Variants in RBFOX1 observed in about 807,000 individuals in gnomAD.
RBFOX1 encodes RNA binding protein fox-1 homolog 1.
A neutral mutation model predicts 57.7 loss-of-function variants in RBFOX1; 8 were observed. The ratio of observed to expected loss-of-function variants is 0.14; its 90% CI spans 0.08 to 0.25. The LOEUF (loss-of-function observed/expected upper bound fraction) is 0.25. Ranked by LOEUF, RBFOX1 falls within the 10% of genes least tolerant of loss-of-function variation. RBFOX1 has a pLI of 1.00. For missense variants in RBFOX1, 611 were observed against 548.5 expected, an observed-to-expected ratio of 1.11 and a Z score of -1.14; for synonymous variants, 326 against 222.4, an observed-to-expected ratio of 1.47 and a Z score of -4.15.
At chr16:7,507,897 C>T (rs751517029) in intron 4 of RBFOX1, among the ~76,000 whole-genome samples, 6 of 151,536 alleles carry the variant, frequency 4.0e-5, no homozygotes, top group Non-Finnish European at 7.4e-5. Context: ...ACATAAGGAG[C>T]TCATGCTCCA....
chr16:5,333,562 G>A (rs1414913334), intron 1 of RBFOX1, among the ~76,000 whole-genome samples: 1 of 152,208 alleles, frequency 6.6e-6, no homozygotes, highest in Non-Finnish European at 1.5e-5. Context: ...AGACGTAGAA[G>A]TTCTACAGGG....
At chr16:7,255,842 C>T (rs139607627) in intron 4 of RBFOX1, among the ~76,000 whole-genome samples, 1 of 152,100 alleles carries the variant, frequency 6.6e-6, no homozygotes, top group Non-Finnish European at 1.5e-5. Context: ...GACAGCACGT[C>T]TCATTTCAGA....
chr16:6,644,078 A>G (rs1446943521), intron 2 of RBFOX1, among the ~76,000 whole-genome samples: 2 of 152,164 alleles, frequency 1.3e-5, no homozygotes, highest in East Asian at 1.9e-4. Flanking sequence ...GTGAGCCAAG[A>G]TCACCCTACT....
At chr16:5,740,174 G>A (rs537401385) in intron 3 of RBFOX1, among the ~76,000 whole-genome samples, 1 of 152,326 alleles carries the variant, frequency 6.6e-6, no homozygotes, top group South Asian at 2.1e-4. Context: ...GAGGCTGACT[G>A]TCATGTCTTT....
At chr16:7,579,571 C>T (rs2093594183) in intron 5 of RBFOX1, among the ~76,000 whole-genome samples, 1 of 152,176 alleles carries the variant, frequency 6.6e-6, no homozygotes. Context: ...TTTCCCACTG[C>T]CTAATCCCAG....
intron 4 of RBFOX1, among the ~76,000 whole-genome samples, chr16:7,400,373 C>G (rs1233413433): frequency 3.3e-5 from 5 of 152,176 alleles, no homozygotes; most frequent in Admixed American, 6.5e-5. Context: ...AAACTGCAAC[C>G]TCAGCACAGG....
chr16:7,474,195 C>T (rs1453471311), intron 4 of RBFOX1, among the ~76,000 whole-genome samples: 5 of 152,128 alleles, frequency 3.3e-5, no homozygotes, highest in Non-Finnish European at 4.4e-5. Flanking sequence ...GCTGAGGCAG[C>T]AGAGTCGCTT....
Position 7,014,078 on chromosome 16 carries a change from C to T in RBFOX1, c.-15-37979C>T, listed in dbSNP as rs184448283. ...TCACTCAGTATATTAAAAATAAATACACAATGTCATTGGAATGGCCGATTT... is the reference window on the plus strand; with the variant it reads ...TCACTCAGTATATTAAAAATAAATATACAATGTCATTGGAATGGCCGATTT... On this transcript the variant is annotated intron_variant, in intron 3 of 15. Coordinates refer to ENST00000550418, the MANE Select transcript of RBFOX1 (RefSeq NM_018723.4). Among the ~76,000 whole-genome samples the T allele has an allele frequency of 2.3e-3, 343 of 152,312 alleles. 3 individuals are homozygous for T. Among genetic ancestry groups the T allele is most frequent in the African/African-American group, 7.9e-3 (330 of 41,574 alleles).
intron 2 of RBFOX1, among the ~76,000 whole-genome samples, chr16:5,529,683 C>T (rs1029391190): frequency 6.6e-6 from 1 of 151,992 alleles, no homozygotes; most frequent in African/African-American, 2.4e-5. Flanking sequence ...TCTCCTGCCT[C>T]ACCATCCCGA....
intron 3 of RBFOX1, among the ~76,000 whole-genome samples, chr16:6,702,886 A>T (rs78001017): frequency 0.058 from 8,854 of 152,278 alleles, 368 homozygotes; most frequent in South Asian, 0.12. Context: ...TTTATCTTCC[A>T]AATGGAAACT....
intron 4 of RBFOX1, among the ~76,000 whole-genome samples, chr16:7,209,424 C>T (rs368441428): frequency 6.6e-6 from 1 of 152,154 alleles, no homozygotes; most frequent in Non-Finnish European, 1.5e-5. Flanking sequence ...CTCATTTTAA[C>T]TTACTTACCT....
At chr16:7,555,098 G>T (rs1338655211) in intron 5 of RBFOX1, among the ~76,000 whole-genome samples, 4 of 152,102 alleles carry the variant, frequency 2.6e-5, no homozygotes, top group African/African-American at 7.2e-5. Flanking sequence ...AGGGTAAGGG[G>T]GGGTTTTTAG....
intron 1 of RBFOX1, among the ~76,000 whole-genome samples, chr16:6,293,718 C>G (rs548643670): frequency 7.8e-4 from 115 of 146,760 alleles, no homozygotes; most frequent in Non-Finnish European, 1.4e-3. Flanking sequence ...CAGGAAGACT[C>G]TACTGAGAAA....
At chr16:7,001,523 C>G (rs184483433) in intron 3 of RBFOX1, among the ~76,000 whole-genome samples, 66 of 152,178 alleles carry the variant, frequency 4.3e-4, no homozygotes, top group Non-Finnish European at 4.0e-4. Context: ...GTTGCATGAT[C>G]TCAACTCGTT....
intron 3 of RBFOX1, among the ~76,000 whole-genome samples, chr16:5,665,787 C>T (rs1268830926): frequency 1.3e-5 from 2 of 152,228 alleles, no homozygotes; most frequent in Admixed American, 1.3e-4. Flanking sequence ...GGTTCGGGCA[C>T]AGTCGTGCTC....
intron 4 of RBFOX1, among the ~76,000 whole-genome samples, chr16:7,099,625 G>T (rs1306620503): frequency 2.0e-5 from 3 of 152,248 alleles, no homozygotes; most frequent in South Asian, 2.1e-4. Flanking sequence ...GCCCAAGGTG[G>T]TTGGGGTATA....
intron 4 of RBFOX1, among the ~76,000 whole-genome samples, chr16:7,383,566 C>T (rs1015109641): frequency 1.3e-5 from 2 of 152,056 alleles, no homozygotes; most frequent in Non-Finnish European, 2.9e-5. Flanking sequence ...ACATATTGAC[C>T]TCCTTATTAT....
At chr16:7,283,184 C>A (rs1158388839) in intron 4 of RBFOX1, among the ~76,000 whole-genome samples, 1 of 151,952 alleles carries the variant, frequency 6.6e-6, no homozygotes, top group East Asian at 2.0e-4. Flanking sequence ...ACATGATTTT[C>A]CATAGTGGTG....
At chr16:6,368,218 T>C (rs1277210570) in intron 2 of RBFOX1, among the ~76,000 whole-genome samples, 1 of 152,176 alleles carries the variant, frequency 6.6e-6, no homozygotes, top group Non-Finnish European at 1.5e-5. Flanking sequence ...ATGAAAAATA[T>C]TGAAAATATC....
Sources: gnomAD v4.1 joint callset for allele counts (sites outside exome capture counted in the v4.1 genomes callset) on GRCh38, gnomAD v4.1.1 for gene constraint, MANE v1.5 for transcripts, NCBI Gene and HGNC (gene_info 2026-07-23, HGNC 2026-07-21) for gene names.